The following CEP170 variants were observed in gnomAD, a reference collection of about 807,000 sequenced individuals.
CEP170 encodes the protein centrosomal protein of 170 kDa.
A neutral mutation model predicts 151.9 loss-of-function variants in CEP170; 21 were observed. That is an observed-to-expected ratio of 0.14 (90% CI 0.10 to 0.20). CEP170 has a LOEUF of 0.20. Among genes scored for constraint, CEP170 ranks in the 10% least tolerant of loss-of-function variants. The pLI, the probability that CEP170 is intolerant of heterozygous loss-of-function variation, is 1.00. For missense variants in CEP170, 964 were observed against 1,892.9 expected, an observed-to-expected ratio of 0.51 and a Z score of 9.11; for synonymous variants, 356 against 648.8, an observed-to-expected ratio of 0.55 and a Z score of 6.86.
At position 243,156,366 on chromosome 1, in the gene CEP170, G is replaced by A. The variant is rs1326079942; in HGVS notation, c.3766C>T (p.Arg1256Cys). 6.4e-6 allele frequency: 10 copies of A among 1,574,172 alleles called. No homozygotes were observed. Among genetic ancestry groups the A allele is most frequent in the African/African-American group, 2.7e-5 (2 of 73,660 alleles). The stretch of plus-strand genomic sequence containing the variant: ...TTCAGGGCTGGAGAAGTACGTAGAC[G>A]GGTATGTTTAGGGGAATTACGGTTT... Reference protein sequence around the residue: ...GSNRNSPKHTRLRTSPALKTT... With the variant: ...GSNRNSPKHTCLRTSPALKTT... Residue 1256 changes from arginine to cysteine, a missense_variant, in exon 14 of 20, where the codon CGT (arginine) becomes TGT (cysteine). Transcript: ENST00000366542.
In CEP170 at chr1:243,126,679, G is replaced by T. The variant is rs1266981437; in HGVS notation, c.4525C>A (p.Pro1509Thr). The T allele has an allele frequency of 3.2e-6, 5 of 1,549,420 alleles. No homozygotes were observed. The highest frequency in any genetic ancestry group is 3.5e-6 in the Non-Finnish European group (4 of 1,144,164). ...TLEALNNMGF[P>T]SAMLPSPPKQ... Reference sequence around the variant, plus strand: ...GGTGGAGATGGCAACATAGCACTGGGAAATCCCATGTTGTTCAGAGCCTCC... The same window carrying T: ...GGTGGAGATGGCAACATAGCACTGGTAAATCCCATGTTGTTCAGAGCCTCC... Residue 1509 changes from proline (P) to threonine (T), a missense_variant, in exon 20 of 20, where the codon CCC becomes ACC. Transcript: ENST00000366542.
rs771569940 is a variant in CEP170, at chr1:243,233,742, ATAT to A, written c.-41-8424_-41-8422del. ...AGCAAGACTCCATCTCAAAAAAAAA[ATAT>A]ATATATATATATATATATATATTTT... On this transcript the variant is annotated intron_variant, in intron 1 of 19. Coordinates refer to ENST00000366542, the MANE Select transcript of CEP170 (RefSeq NM_014812.3). Among the ~76,000 whole-genome samples the A allele has an allele frequency of 5.5e-3, 714 of 129,230 alleles. 8 individuals are homozygous for A. Among genetic ancestry groups the A allele is most frequent in the African/African-American group, 0.016 (537 of 32,988 alleles). The allele number at this position is 129,230 out of a possible 152,430, so 84.8% of individuals were successfully genotyped here. A position where few individuals can be genotyped will look rare whatever the true frequency, so the allele number is the denominator to read the frequency against.
At chr1:243,182,277 AG>A (rs2059669463) in intron 10 of CEP170, among the ~76,000 whole-genome samples, 1 of 152,192 alleles carries the variant, frequency 6.6e-6, no homozygotes, top group Admixed American at 6.5e-5. Context: ...GCTATGCTCT[AG>A]AATTTCCCAG....
At chr1:243,248,162 GCT>G (rs752271222) in intron 1 of CEP170, among the ~76,000 whole-genome samples, 91 of 152,310 alleles carry the variant, frequency 6.0e-4, no homozygotes, top group Non-Finnish European at 1.6e-4. Context: ...AAAGGAAATT[GCT>G]TTCTCAGAGA....
At chr1:243,247,002 A>C (rs1489625072) in intron 1 of CEP170, among the ~76,000 whole-genome samples, 5 of 152,098 alleles carry the variant, frequency 3.3e-5, no homozygotes, top group Admixed American at 2.0e-4. Context: ...AGTATTTTGC[A>C]CTTTACCCCT....
At chr1:243,169,578 G>A (rs775138129) in intron 12 of CEP170, 50 bp downstream of exon 12, 1 of 1,513,364 alleles carries the variant, frequency 6.6e-7, no homozygotes, top group African/African-American at 1.4e-5. Context: ...GAGAGAAATG[G>A]AGAAAGAGAA....
intron 7 of CEP170, among the ~76,000 whole-genome samples, chr1:243,196,778 C>T (rs2789165): frequency 6.6e-6 from 1 of 152,022 alleles, no homozygotes; most frequent in Admixed American, 6.6e-5. Flanking sequence ...TATAGTTTAG[C>T]TGTGGGGAGG....
intron 17 of CEP170, among the ~76,000 whole-genome samples, chr1:243,131,493 C>CAAAAAACA (rs761915101): frequency 6.6e-6 from 1 of 150,998 alleles, no homozygotes; most frequent in Non-Finnish European, 1.5e-5. Flanking sequence ...AAACAAAAAA[C>CAAAAAACA]AAAAAACAAA....
intron 13 of CEP170, among the ~76,000 whole-genome samples, chr1:243,160,856 C>A (rs1264039468): frequency 1.3e-5 from 2 of 152,058 alleles, no homozygotes; most frequent in African/African-American, 4.8e-5. Context: ...AAAGGGACTG[C>A]AAACAGTCTC....
chr1:243,221,987 C>T (rs912208229), intron 2 of CEP170, among the ~76,000 whole-genome samples, 174 bp from the exon 3 acceptor site: 2 of 152,182 alleles, frequency 1.3e-5, no homozygotes, highest in African/African-American at 4.8e-5. Flanking sequence ...TTTTTAGCAT[C>T]ACTGCCCAAA....
chr1:243,195,557 C>T (rs1411888159), intron 7 of CEP170, among the ~76,000 whole-genome samples: 1 of 151,798 alleles, frequency 6.6e-6, no homozygotes, highest in Non-Finnish European at 1.5e-5. Flanking sequence ...CTCTATTATC[C>T]TTTCTGGAAT....
At chr1:243,232,521 T>C (rs1287983803) in intron 1 of CEP170, among the ~76,000 whole-genome samples, 2 of 152,206 alleles carry the variant, frequency 1.3e-5, no homozygotes, top group Non-Finnish European at 2.9e-5. Flanking sequence ...TAAAGTATCA[T>C]TTTTAGTATT....
intron 1 of CEP170, among the ~76,000 whole-genome samples, chr1:243,232,830 A>C (rs189082869): frequency 6.6e-5 from 10 of 152,226 alleles, no homozygotes; most frequent in African/African-American, 2.4e-4. Flanking sequence ...TAGGGATGGT[A>C]TCATTCTAAA....
At chr1:243,178,717 T>A (rs1394395637) in intron 10 of CEP170, among the ~76,000 whole-genome samples, 1 of 151,858 alleles carries the variant, frequency 6.6e-6, no homozygotes, top group African/African-American at 2.4e-5. Flanking sequence ...GACTCTATCT[T>A]CTTCTTCTTT....
intron 11 of CEP170, among the ~76,000 whole-genome samples, chr1:243,172,362 C>G (rs1483491341): frequency 6.6e-6 from 1 of 152,140 alleles, no homozygotes; most frequent in African/African-American, 2.4e-5. Flanking sequence ...AGGCCAAGTG[C>G]GGTGACTCAT....
In CEP170 at chr1:243,156,254, C is replaced by T. The variant is rs368810448; in HGVS notation, c.3878G>A (p.Arg1293Gln). The change falls in exon 14 of 20, where the codon CGA becomes CAA. Residue 1293 changes from arginine to glutamine, a missense_variant. By Grantham distance (43) the Arg-to-Gln change is conservative. Coordinates refer to ENST00000366542, the MANE Select transcript of CEP170 (RefSeq NM_014812.3). The part of the protein sequence containing the change: ...HRIKEQEDYI[R>Q]DWTAHREEIA... ...CTCTTCTCGATGAGCAGTCCAATCT[C>T]GGATGTAGTCTTCCTGCTCTTTAAT... 58 of 1,588,920 alleles carry T rather than the reference C, an allele frequency of 3.7e-5. No individual in the cohort carries two copies. Among genetic ancestry groups the T allele is most frequent in the Non-Finnish European group, 4.8e-5 (56 of 1,168,126 alleles).
chr1:243,254,658 C>T (rs1419795089), intron 1 of CEP170, among the ~76,000 whole-genome samples: 1 of 152,204 alleles, frequency 6.6e-6, no homozygotes, highest in Non-Finnish European at 1.5e-5. Context: ...CCCTCGCAAA[C>T]TGCTACGGCG....
At chr1:243,163,497 C>G (rs546426661) in intron 13 of CEP170, among the ~76,000 whole-genome samples, 1 of 152,340 alleles carries the variant, frequency 6.6e-6, no homozygotes, top group Non-Finnish European at 1.5e-5. Flanking sequence ...ACAAATATAA[C>G]AGCATCAGTT....
At chr1:243,166,835 C>A (rs2058480569) in intron 12 of CEP170, among the ~76,000 whole-genome samples, 2 of 151,950 alleles carry the variant, frequency 1.3e-5, no homozygotes, top group Non-Finnish European at 2.9e-5. Flanking sequence ...ATGGCTAAGT[C>A]AAGCTAATTA....
Sources: allele counts gnomAD v4.1 joint callset (sites outside exome capture counted in the v4.1 genomes callset), GRCh38; gene constraint gnomAD v4.1.1; transcripts MANE v1.5; gene names NCBI Gene and HGNC (gene_info 2026-07-23, HGNC 2026-07-21).